The following ROBO1 variants were observed in gnomAD, a reference collection of about 807,000 sequenced individuals.
The protein encoded by ROBO1 is roundabout guidance receptor 1.
In ROBO1, 149 loss-of-function variants were observed where a neutral mutation model predicts 195.9. The observed-to-expected ratio is 0.76, with a 90% confidence interval of 0.67 to 0.87. ROBO1 has a LOEUF of 0.87. Ranked by LOEUF, ROBO1 falls within the 40% of genes least tolerant of loss-of-function variation. The probability of loss-of-function intolerance (pLI) is 0.00; values close to 1 mark genes in which losing one functional copy is unlikely to be tolerated. For missense variants in ROBO1, 1,933 were observed against 2,068.3 expected, an observed-to-expected ratio of 0.93 and a Z score of 1.27; for synonymous variants, 816 against 733.2, an observed-to-expected ratio of 1.11 and a Z score of -1.82.
chr3:79,133,438 C>T (rs1309762505), intron 2 of ROBO1, among the ~76,000 whole-genome samples: 61 of 125,428 alleles, frequency 4.9e-4, no homozygotes, highest in African/African-American at 1.8e-3. Context: ...TTCATTTCAT[C>T]TTCCATTGCT....
intron 2 of ROBO1, among the ~76,000 whole-genome samples, chr3:79,507,517 G>T (rs1382527304): frequency 1.3e-5 from 2 of 152,092 alleles, no homozygotes; most frequent in South Asian, 2.1e-4. Flanking sequence ...CCTTTGTTTT[G>T]GGAATGAGAA....
chr3:78,903,887 C>A (rs1050107812), intron 4 of ROBO1, among the ~76,000 whole-genome samples: 15 of 151,972 alleles, frequency 9.9e-5, no homozygotes, highest in Non-Finnish European at 1.6e-4. Flanking sequence ...CAAATACAGG[C>A]TCTGCCATTT....
rs749115079 is a variant in ROBO1 at position 79,187,541 on chromosome 3, A to T, written c.89-62002T>A. Reference sequence around the variant, plus strand: ...TGTGAATAAATTTTGTCCAACACTGAATAATTCAGTCACTCGAGGGGGAGT... The same window carrying T: ...TGTGAATAAATTTTGTCCAACACTGTATAATTCAGTCACTCGAGGGGGAGT... On this transcript the variant is annotated intron_variant, in intron 2 of 30. Transcript: ENST00000464233. Among the ~76,000 whole-genome samples the T allele has an allele frequency of 2.4e-4, 37 of 152,134 alleles. 1 individual carries two copies. Among genetic ancestry groups the T allele is most frequent in the Middle Eastern group, 6.8e-3 (2 of 294 alleles).
At chr3:78,671,682 CTTT>C (rs1224791029) in intron 10 of ROBO1, among the ~76,000 whole-genome samples, 4 of 151,806 alleles carry the variant, frequency 2.6e-5, no homozygotes, top group Non-Finnish European at 4.4e-5. Flanking sequence ...CAATTCTCTT[CTTT>C]GTCTTGGTTA....
chr3:79,685,458 C>T (rs1281505966), intron 1 of ROBO1, among the ~76,000 whole-genome samples: 2 of 152,148 alleles, frequency 1.3e-5, no homozygotes, highest in Non-Finnish European at 2.9e-5. Context: ...GTTTTGTCAG[C>T]CCATTTGTTC....
chr3:78,779,370 T>C (rs2083603273), intron 4 of ROBO1, among the ~76,000 whole-genome samples: 1 of 152,154 alleles, frequency 6.6e-6, no homozygotes, highest in Non-Finnish European at 1.5e-5. Context: ...GACAAAGGGC[T>C]AATATCCAGA....
intron 2 of ROBO1, among the ~76,000 whole-genome samples, chr3:79,188,184 C>T (rs957841201): frequency 2.6e-5 from 4 of 151,744 alleles, no homozygotes; most frequent in African/African-American, 9.7e-5. Context: ...TGTTTGGCTT[C>T]GTAGAGACAT....
At chr3:79,569,770 A>G (rs67301021) in intron 2 of ROBO1, among the ~76,000 whole-genome samples, 13,804 of 151,692 alleles carry the variant, frequency 0.091, 657 homozygotes, top group Middle Eastern at 0.16. Context: ...CTGAAGCTTT[A>G]GTTTACCAAA....
intron 2 of ROBO1, among the ~76,000 whole-genome samples, chr3:79,248,947 C>T (rs928090332): frequency 2.6e-5 from 4 of 151,930 alleles, no homozygotes; most frequent in African/African-American, 7.3e-5. Flanking sequence ...AGAAAGGGTT[C>T]GGTTTTAAAC....
chr3:78,985,183 C>T (rs150742156), intron 3 of ROBO1, among the ~76,000 whole-genome samples: 298 of 152,074 alleles, frequency 2.0e-3, no homozygotes, highest in African/African-American at 6.9e-3. Flanking sequence ...GCCTGAAGTC[C>T]TAATAACTCT....
At chr3:79,396,278 G>A (rs2037151531) in intron 2 of ROBO1, among the ~76,000 whole-genome samples, 2 of 151,600 alleles carry the variant, frequency 1.3e-5, no homozygotes, top group South Asian at 4.1e-4. Flanking sequence ...GTTTTTGATA[G>A]TAAGTGAAAG....
At chr3:79,524,186 T>TGTGA (rs1254061085) in intron 2 of ROBO1, among the ~76,000 whole-genome samples, 1 of 147,990 alleles carries the variant, frequency 6.8e-6, no homozygotes, top group South Asian at 2.1e-4. Flanking sequence ...TGTGTGTGTG[T>TGTGA]GACAGAGACA....
intron 3 of ROBO1, among the ~76,000 whole-genome samples, chr3:78,998,059 G>T (rs2077410451): frequency 6.6e-6 from 1 of 152,116 alleles, no homozygotes; most frequent in Non-Finnish European, 1.5e-5. Context: ...CATAGTGATT[G>T]CTCAGTAAAT....
chr3:78,662,178 G>T (rs1044454060), intron 14 of ROBO1, 64 bp from the exon 15 acceptor site: 3 of 1,486,528 alleles, frequency 2.0e-6, no homozygotes, highest in Non-Finnish European at 2.7e-6. Context: ...ATGAAAGCAT[G>T]GTGAAACAAA....
intron 24 of ROBO1, among the ~76,000 whole-genome samples, chr3:78,631,519 T>C (rs1418345039): frequency 6.6e-6 from 1 of 152,080 alleles, no homozygotes; most frequent in Non-Finnish European, 1.5e-5. Flanking sequence ...AAAAAAGCAA[T>C]AAAACCATGA....
intron 2 of ROBO1, among the ~76,000 whole-genome samples, chr3:79,196,022 T>C (rs1346131179): frequency 2.0e-5 from 3 of 151,554 alleles, no homozygotes; most frequent in African/African-American, 7.3e-5. Flanking sequence ...ACCTACTTCA[T>C]GCCAGGCATT....
intron 1 of ROBO1, among the ~76,000 whole-genome samples, chr3:79,648,350 T>A (rs572943979): frequency 1.3e-5 from 2 of 151,830 alleles, no homozygotes; most frequent in Admixed American, 6.6e-5. Context: ...CCGTTGGGAA[T>A]CAAGCACAAG....
chr3:78,867,075 C>T (rs1038046683), intron 4 of ROBO1, among the ~76,000 whole-genome samples: 1 of 152,154 alleles, frequency 6.6e-6, no homozygotes, highest in Non-Finnish European at 1.5e-5. Context: ...ACATTATTTC[C>T]ATTGAAGTTT....
chr3:78,975,222 T>C (rs1350203197), intron 3 of ROBO1, among the ~76,000 whole-genome samples: 1 of 152,160 alleles, frequency 6.6e-6, no homozygotes, highest in Non-Finnish European at 1.5e-5. Flanking sequence ...AACTAAAATA[T>C]CTTCCACACC....
Sources: gnomAD v4.1 joint callset for allele counts (sites outside exome capture counted in the v4.1 genomes callset) on GRCh38, gnomAD v4.1.1 for gene constraint, MANE v1.5 for transcripts, NCBI Gene and HGNC (gene_info 2026-07-23, HGNC 2026-07-21) for gene names.